CPLX4: variants seen among roughly 807,000 people sequenced by gnomAD.
CPLX4 encodes the protein complexin-4.
A neutral mutation model predicts 16.1 loss-of-function variants in CPLX4; 17 were observed. The observed-to-expected ratio is 1.06, with a 90% CI of 0.72 to 1.59. The LOEUF is 1.59. CPLX4 is among the 40% of genes most tolerant of loss of function. The pLI is 0.00. For missense variants in CPLX4, 193 were observed against 192.9 expected (o/e 1.00, Z 0.00); for synonymous variants, 55 against 57.8 (o/e 0.95, Z 0.22).
intron 2 of CPLX4, among the ~76,000 whole-genome samples, chr18:59,307,733 A>G (rs1272204103): frequency 6.9e-6 from 1 of 145,694 alleles, no homozygotes; most frequent in African/African-American, 2.6e-5. Context: ...TACACCTCGC[A>G]TCCCCACTGT....
intron 1 of CPLX4, among the ~76,000 whole-genome samples, chr18:59,313,653 T>C (rs2070633072): frequency 6.6e-6 from 1 of 152,168 alleles, no homozygotes; most frequent in African/African-American, 2.4e-5. Context: ...TCTTTGAAAA[T>C]TTGGGAATGG....
At chr18:59,303,670 A>G (rs930946370) in intron 2 of CPLX4, among the ~76,000 whole-genome samples, 2 of 152,142 alleles carry the variant, frequency 1.3e-5, no homozygotes, top group African/African-American at 4.8e-5. Context: ...AGGCGAAGTG[A>G]TATCTACCTA....
At chr18:59,318,132 G>A (rs1208171943) in intron 1 of CPLX4, among the ~76,000 whole-genome samples, 164 bp downstream of exon 1, 1 of 152,068 alleles carries the variant, frequency 6.6e-6, no homozygotes, top group African/African-American at 2.4e-5. Flanking sequence ...CTGATGTTAG[G>A]GAACCGTTTA....
intron 1 of CPLX4, among the ~76,000 whole-genome samples, chr18:59,316,341 T>C (rs764304655): frequency 1.3e-5 from 2 of 152,210 alleles, no homozygotes; most frequent in Non-Finnish European, 2.9e-5. Flanking sequence ...TAAATAGTTT[T>C]TTATTTATAA....
chr18:59,298,804 T>A (rs1319860315), intron 2 of CPLX4, among the ~76,000 whole-genome samples: 3 of 152,192 alleles, frequency 2.0e-5, no homozygotes, highest in African/African-American at 7.2e-5. Context: ...GTTCTAACAC[T>A]CTGTGGCTCC....
intron 2 of CPLX4, among the ~76,000 whole-genome samples, chr18:59,303,883 G>A (rs952358708): frequency 1.8e-4 from 28 of 152,164 alleles, no homozygotes; most frequent in Non-Finnish European, 2.4e-4. Context: ...AAGAGATGGC[G>A]GCTGCTGGGG....
intron 2 of CPLX4, among the ~76,000 whole-genome samples, chr18:59,297,534 C>A (rs971134058): frequency 1.2e-4 from 18 of 152,266 alleles, no homozygotes; most frequent in African/African-American, 3.9e-4. Context: ...ACCACCCCGG[C>A]CTCCCAAAGT....
At chr18:59,302,572 G>A (rs1043492263) in intron 2 of CPLX4, among the ~76,000 whole-genome samples, 2 of 152,180 alleles carry the variant, frequency 1.3e-5, no homozygotes, top group African/African-American at 4.8e-5. Context: ...TTATTTTTAT[G>A]CCAGCTGATG....
intron 2 of CPLX4, among the ~76,000 whole-genome samples, chr18:59,299,156 C>A (rs2070522791): frequency 6.6e-6 from 1 of 152,224 alleles, no homozygotes; most frequent in African/African-American, 2.4e-5. Flanking sequence ...GGGCTCCCAG[C>A]CAATTGTGCA....
chr18:59,310,035 C>T (rs533733877), intron 2 of CPLX4, among the ~76,000 whole-genome samples: 21 of 151,996 alleles, frequency 1.4e-4, no homozygotes, highest in African/African-American at 3.9e-4. Context: ...TGTAAAATGA[C>T]GCAGTGGTAT....
At chr18:59,297,062 C>T (rs2070506914) in intron 2 of CPLX4, 137 bp from the exon 3 acceptor site, 1 of 1,390,754 alleles carries the variant, frequency 7.2e-7, no homozygotes, top group East Asian at 2.5e-5. Flanking sequence ...GCAGCAGAGC[C>T]TGGTCCTGAT....
chr18:59,316,692 G>A (rs1375001288), intron 1 of CPLX4, among the ~76,000 whole-genome samples: 3 of 152,072 alleles, frequency 2.0e-5, no homozygotes, highest in Non-Finnish European at 2.9e-5. Flanking sequence ...TCTGCTGATT[G>A]ACTGTATGAT....
In CPLX4 at chr18:59,304,870, G is replaced by A. The variant is rs111345023; in HGVS notation, c.255+7815C>T. On this transcript the variant is annotated intron_variant, in intron 2 of 2. Coordinates refer to ENST00000299721, the MANE Select transcript of CPLX4 (RefSeq NM_181654.4). The stretch of plus-strand genomic sequence containing the variant: ...CAGGGGTGAGCCACTGCGCCCGGCC[G>A]GGCATTTTTCTTTCTTTTCTTTTTC... 4.0e-5 allele frequency among the ~76,000 whole-genome samples: 6 copies of A among 151,896 alleles called. No individual in the cohort carries two copies. The South Asian group carries it at 6.2e-4, about 16-fold the overall frequency.
chr18:59,298,257 G>A (rs1456611057), intron 2 of CPLX4, among the ~76,000 whole-genome samples: 3 of 152,052 alleles, frequency 2.0e-5, no homozygotes, highest in South Asian at 4.2e-4. Context: ...ACTCAGCTGA[G>A]ATTCTTTTAC....
chr18:59,309,571 C>A (rs2070601244), intron 2 of CPLX4, among the ~76,000 whole-genome samples: 1 of 152,076 alleles, frequency 6.6e-6, no homozygotes, highest in African/African-American at 2.4e-5. Context: ...CGCCTATAAT[C>A]CCAGCACTTA....
chr18:59,300,555 A>G (rs1340232803), intron 2 of CPLX4, among the ~76,000 whole-genome samples: 1 of 152,094 alleles, frequency 6.6e-6, no homozygotes, highest in Non-Finnish European at 1.5e-5. Context: ...CACTTATAGG[A>G]TGGGTGACCT....
chr18:59,316,942 CT>C (rs1348817698), intron 1 of CPLX4, among the ~76,000 whole-genome samples: 2 of 152,044 alleles, frequency 1.3e-5, no homozygotes, highest in Admixed American at 1.3e-4. Flanking sequence ...TGCTTTTAAG[CT>C]TTTTGTTCTT....
intron 1 of CPLX4, among the ~76,000 whole-genome samples, chr18:59,317,814 T>G (rs1418345278): frequency 6.8e-6 from 1 of 147,412 alleles, no homozygotes; most frequent in African/African-American, 2.6e-5. Flanking sequence ...ATGTTATGCT[T>G]CCTGGGTTTT....
chr18:59,318,168 G>T, intron 1 of CPLX4, 128 bp downstream of exon 1: 3 of 1,431,240 alleles, frequency 2.1e-6, no homozygotes, highest in Non-Finnish European at 2.7e-6. Flanking sequence ...CTTTCCTTGG[G>T]TTAGAGGTAA....
Sources: gnomAD v4.1 joint callset for allele counts (sites outside exome capture counted in the v4.1 genomes callset) on GRCh38, gnomAD v4.1.1 for gene constraint, MANE v1.5 for transcripts, NCBI Gene and HGNC (gene_info 2026-07-23, HGNC 2026-07-21) for gene names.